The following AMDHD1 variants were observed in gnomAD, a reference collection of about 807,000 sequenced individuals.
AMDHD1 encodes the protein amidohydrolase domain containing 1.
AMDHD1 carries 45 observed loss-of-function variants against 44.1 expected under a neutral mutation model. That is an observed-to-expected ratio of 1.02 (90% CI 0.80 to 1.31). The LOEUF (loss-of-function observed/expected upper bound fraction) is 1.31, where lower values mean the gene tolerates loss of function less well. AMDHD1 is among the 50% of genes most tolerant of loss of function. The pLI is 0.00. For synonymous variants in AMDHD1, 206 were observed against 205.0 expected, an observed-to-expected ratio of 1.00 and a Z score of -0.04; for missense variants, 586 against 552.1, an observed-to-expected ratio of 1.06 and a Z score of -0.61.
At chr12:95,954,777 C>T (rs988906527) in intron 2 of AMDHD1, 134 bp from the exon 3 acceptor site, 19 of 718,428 alleles carry the variant, frequency 2.6e-5, no homozygotes, top group South Asian at 4.0e-5. Context: ...CAAATTCTTC[C>T]TTTCATGCTC....
At chr12:95,961,479 C>T (rs553479444) in intron 5 of AMDHD1, among the ~76,000 whole-genome samples, 1 of 152,296 alleles carries the variant, frequency 6.6e-6, no homozygotes, top group Admixed American at 6.5e-5. Context: ...TGAGTCTAGG[C>T]TTCTCTCCTC....
At chr12:95,958,964 A>G (rs2080565961) in intron 4 of AMDHD1, among the ~76,000 whole-genome samples, 1 of 152,192 alleles carries the variant, frequency 6.6e-6, no homozygotes, top group Admixed American at 6.5e-5. Context: ...CTGAGGCAAG[A>G]GAATCACTTG....
rs2080531587 is a variant in AMDHD1 at position 95,952,913 on chromosome 12, G to A, written c.244+90G>A. 5.5e-6 allele frequency: 4 copies of A among 726,724 alleles called. No individual in the cohort carries two copies. The East Asian group carries it at 1.1e-4, about 19-fold the overall frequency. The allele number at this position is 726,724 out of a possible 1,614,324, so 45.0% of individuals were successfully genotyped here. A position where few individuals can be genotyped will look rare whatever the true frequency, so the allele number is the denominator to read the frequency against. ...AGGAAGAGTAACAGCTTATTTTAAAGTCTCAAAATAATATTTAAAAAAAAT... is the reference window on the plus strand; with the variant it reads ...AGGAAGAGTAACAGCTTATTTTAAAATCTCAAAATAATATTTAAAAAAAAT... On this transcript the variant is annotated intron_variant, in intron 2 of 8. Coordinates refer to ENST00000266736, the MANE Select transcript of AMDHD1 (RefSeq NM_152435.3).
intron 6 of AMDHD1, among the ~76,000 whole-genome samples, chr12:95,963,030 T>C (rs1300439077): frequency 6.6e-6 from 1 of 152,224 alleles, no homozygotes; most frequent in Admixed American, 6.5e-5. Flanking sequence ...ACTTAGTTCG[T>C]CTGTTATTAC....
chr12:95,954,889 T>C, intron 2 of AMDHD1, 22 bp from the exon 3 acceptor site: 1 of 1,612,848 alleles, frequency 6.2e-7, no homozygotes, highest in Non-Finnish European at 8.5e-7. Flanking sequence ...AATTGTAAGA[T>C]AACTTGATTT....
intron 5 of AMDHD1, among the ~76,000 whole-genome samples, chr12:95,961,925 G>T (rs927572405): frequency 5.3e-5 from 8 of 152,192 alleles, no homozygotes; most frequent in Non-Finnish European, 1.0e-4. Flanking sequence ...GCTTACAACG[G>T]TTGGTTGGCA....
chr12:95,954,321 G>A (rs1232552292), intron 2 of AMDHD1, among the ~76,000 whole-genome samples: 5 of 152,058 alleles, frequency 3.3e-5, no homozygotes, highest in Non-Finnish European at 7.4e-5. Flanking sequence ...TGTAATCCCA[G>A]CACTTTGGGA....
At position 95,954,922 on chromosome 12, in the gene AMDHD1, GCA is replaced by G. The variant is rs2080542819; in HGVS notation, c.265_266del (p.His89SerfsTer6). On this transcript the variant is annotated frameshift_variant, in exon 3 of 9. Transcript: ENST00000266736. LOFTEE classifies it high-confidence loss of function. The stretch of plus-strand genomic sequence containing the variant: ...TTTATTGATTATAGGTTTGGTGGAT[GCA>G]CACACACATCCAGTATGGGCTGGTG... ...GKCILPGLVD[A>X]HTHPVWAGER... 1 of 1,614,102 alleles carries G rather than the reference GCA, an allele frequency of 6.2e-7. No individual in the cohort carries two copies. Among genetic ancestry groups the G allele is most frequent in the Non-Finnish European group, 8.5e-7 (1 of 1,179,990 alleles).
rs750280428 is a variant in AMDHD1 at position 95,962,431 on chromosome 12, C to T, written c.890C>T (p.Thr297Met). Residue 297 changes from threonine to methionine, a missense_variant, in exon 6 of 9, where the codon ACG (threonine) becomes ATG (methionine). By Grantham distance (81) the Thr-to-Met change is moderately conservative. Coordinates refer to ENST00000266736, the MANE Select transcript of AMDHD1 (RefSeq NM_152435.3). ...GATGAAGGCATCGTTGCCATGGCAA[C>T]GGCCAGGTGCTCTGCCATCCTTCTG... ...VSDEGIVAMA[T>M]ARCSAILLPT... 9 of 1,613,812 alleles carry T rather than the reference C, an allele frequency of 5.6e-6. No individual in the cohort carries two copies. Among genetic ancestry groups the T allele is most frequent in the East Asian group, 4.5e-5 (2 of 44,868 alleles).
chr12:95,956,464 A>C lies in AMDHD1; in HGVS notation c.310-221A>C, dbSNP rs556499631. 2.6e-5 allele frequency among the ~76,000 whole-genome samples: 4 copies of C among 152,222 alleles called. No homozygotes were observed. The South Asian group carries it at 8.3e-4, about 32-fold the overall frequency. On this transcript the variant is annotated intron_variant, in intron 3 of 8. Coordinates refer to ENST00000266736, the MANE Select transcript of AMDHD1 (RefSeq NM_152435.3). The stretch of plus-strand genomic sequence containing the variant: ...CCACATCTCCCATCTCTACCACTCC[A>C]GTCTCTTCCCAAGACCCCTTCGGAG...
Position 95,943,517 on chromosome 12 carries a change from C to T in AMDHD1, c.119C>T (p.Ala40Val). The stretch of plus-strand genomic sequence containing the variant: ...CGCAGCCTGGCGGTGCTGGAAGGCG[C>T]CAGCCTGGTGGTGGGCAAGTAAGTG... ...ALRSLAVLEG[A>V]SLVVGKDGFI... The change falls in exon 1 of 9, where the codon GCC (alanine) becomes GTC (valine). Residue 40 changes from alanine (A) to valine (V), a missense_variant. By Grantham distance (64) the Ala-to-Val change is moderately conservative. Transcript: ENST00000266736. 2 of 1,482,740 alleles carry T rather than the reference C, an allele frequency of 1.3e-6. No individual in the cohort carries two copies. Among genetic ancestry groups the T allele is most frequent in the Non-Finnish European group, 8.9e-7 (1 of 1,120,020 alleles). 91.8% of individuals were successfully genotyped at this position (1,482,740 alleles called of 1,614,324 possible). A position where few individuals can be genotyped will look rare whatever the true frequency, so the allele number is the denominator to read the frequency against.
chr12:95,965,543 A>G, intron 6 of AMDHD1, 143 bp from the exon 7 acceptor site: 1 of 520,608 alleles, frequency 1.9e-6, no homozygotes, highest in Non-Finnish European at 3.4e-6. Context: ...ATGTAACTCT[A>G]CCACTAATCA....
At position 95,965,680 on chromosome 12, in the gene AMDHD1, C is replaced by A; in HGVS notation, c.939-6C>A. 2 of 1,608,344 alleles carry A rather than the reference C, an allele frequency of 1.2e-6. No individual in the cohort carries two copies. Among genetic ancestry groups the A allele is most frequent in the Admixed American group, 3.4e-5 (2 of 58,808 alleles). On this transcript the variant is annotated splice_region_variant and splice_polypyrimidine_tract_variant and intron_variant, in intron 6 of 8. Transcript: ENST00000266736. ...AGAGACTGACATATTTTTTTCCTCC[C>A]CTTAGACTGAAACAACCTCGAGCCA...
chr12:95,956,834 G>A lies in AMDHD1; in HGVS notation c.459G>A (p.Val153=), dbSNP rs143138689. 1.6e-3 allele frequency: 2,506 copies of A among 1,614,148 alleles called. 4 individuals are homozygous for A. The highest frequency in any genetic ancestry group is 2.3e-3 in the Admixed American group (138 of 60,034). The part of the protein sequence containing the change: ...QCMMRAGTTL[V]ECKSGYGLDL... Reference sequence around the variant, plus strand: ...TGATGAGGGCTGGCACCACGCTGGTGGAGTGCAAGAGTGGATATGGCCTCG... The same window carrying A: ...TGATGAGGGCTGGCACCACGCTGGTAGAGTGCAAGAGTGGATATGGCCTCG... The change falls in exon 4 of 9, where the codon GTG becomes GTA. Residue 153 remains valine (V), a synonymous_variant. Transcript: ENST00000266736.
chr12:95,956,120 G>GT (rs1396893014), intron 3 of AMDHD1, among the ~76,000 whole-genome samples: 1 of 151,902 alleles, frequency 6.6e-6, no homozygotes, highest in Non-Finnish European at 1.5e-5. Context: ...TTGTTTGTTT[G>GT]TTTTTTGAGA....
intron 5 of AMDHD1, among the ~76,000 whole-genome samples, chr12:95,960,985 A>G (rs1391378850): frequency 6.6e-6 from 1 of 151,996 alleles, no homozygotes; most frequent in Non-Finnish European, 1.5e-5. Flanking sequence ...CCCCATATCT[A>G]CTAAAAATAT....
In AMDHD1 at chr12:95,956,650, GC is replaced by G. The variant is rs1284286288; in HGVS notation, c.310-34del. 5 of 1,604,380 alleles carry G rather than the reference GC, an allele frequency of 3.1e-6. No individual in the cohort carries two copies. In the Middle Eastern group the frequency reaches 5.0e-4, roughly 160 times the overall value. On this transcript the variant is annotated intron_variant, in intron 3 of 8. Coordinates refer to ENST00000266736, the MANE Select transcript of AMDHD1 (RefSeq NM_152435.3). The stretch of plus-strand genomic sequence containing the variant: ...CTTCAGACCTCCCTGCAACTTCCTG[GC>G]ATGTGCTGGCCTAAAGGTGAGGCGT...
rs980838325 is a variant in AMDHD1, at chr12:95,960,625, T to C, written c.813+2T>C. The C allele has an allele frequency of 6.8e-6, 11 of 1,609,722 alleles. No homozygotes were observed. The African/African-American group carries it at 1.2e-4, about 18-fold the overall frequency. ...CTCCACCCGATGAAGGCTGCTGAGG[T>C]GTGGTTGACTTTTAGTTTTTCCCTC... On this transcript the variant is annotated splice_donor_variant, in intron 5 of 8. Coordinates refer to ENST00000266736, the MANE Select transcript of AMDHD1 (RefSeq NM_152435.3). LOFTEE classifies it high-confidence loss of function.
chr12:95,965,272 C>T (rs1159171792), intron 6 of AMDHD1, among the ~76,000 whole-genome samples: 6 of 140,624 alleles, frequency 4.3e-5, no homozygotes, highest in Admixed American at 3.8e-4. Context: ...GCACTCCAGC[C>T]TGGGCAAGAG....
Sources: gnomAD v4.1 joint callset for allele counts (sites outside exome capture counted in the v4.1 genomes callset) on GRCh38, gnomAD v4.1.1 for gene constraint, MANE v1.5 for transcripts, NCBI Gene and HGNC (gene_info 2026-07-23, HGNC 2026-07-21) for gene names.